SYNE1: variants seen among roughly 807,000 people sequenced by gnomAD.
SYNE1 encodes the protein nesprin-1.
In SYNE1, 616 loss-of-function variants were observed where a neutral mutation model predicts 1,111.0. The ratio of observed to expected loss-of-function variants is 0.55; its 90% CI spans 0.52 to 0.59. SYNE1 has a LOEUF of 0.59. Ranked by LOEUF, SYNE1 falls within the 20% of genes least tolerant of loss-of-function variation. The probability of loss-of-function intolerance (pLI) is 0.00; values close to 1 mark genes in which losing one functional copy is unlikely to be tolerated. For synonymous variants in SYNE1, 3,855 were observed against 3,825.8 expected (o/e 1.01, Z -0.28); for missense variants, 10,006 against 10,417.0 (o/e 0.96, Z 1.72).
At chr6:152,180,945 G>A (rs142780789) in intron 128 of SYNE1, among the ~76,000 whole-genome samples, 6 of 147,846 alleles carry the variant, frequency 4.1e-5, no homozygotes, top group East Asian at 2.0e-4. Context: ...TTTTTTTTTC[G>A]CATGACAGAT....
At chr6:152,152,726 G>A (rs548816967) in intron 133 of SYNE1, among the ~76,000 whole-genome samples, 1 of 152,238 alleles carries the variant, frequency 6.6e-6, no homozygotes, top group African/African-American at 2.4e-5. Flanking sequence ...TTTAAGAAAA[G>A]TAATTTAGTA....
chr6:152,471,321 A>T (rs2098804404), intron 16 of SYNE1, among the ~76,000 whole-genome samples: 1 of 152,200 alleles, frequency 6.6e-6, no homozygotes, highest in Non-Finnish European at 1.5e-5. Context: ...AACTTTTTTT[A>T]AAAATCAATA....
intron 135 of SYNE1, among the ~76,000 whole-genome samples, chr6:152,151,149 G>C (rs2092753): frequency 0.043 from 6,493 of 151,790 alleles, 168 homozygotes; most frequent in Middle Eastern, 0.086. Context: ...TTGAACCAGG[G>C]AAGTGGAGGT....
At chr6:152,376,951 A>G (rs767055779) in intron 56 of SYNE1, 39 bp from the exon 57 acceptor site, 11 of 1,610,692 alleles carry the variant, frequency 6.8e-6, no homozygotes, top group Admixed American at 5.0e-5. Context: ...GAGCACTTAC[A>G]TTGGGTGATC....
chr6:152,308,303 C>A (rs762870907), intron 91 of SYNE1, among the ~76,000 whole-genome samples, 186 bp downstream of exon 91: 1 of 152,110 alleles, frequency 6.6e-6, no homozygotes, highest in Admixed American at 6.5e-5. Flanking sequence ...TCAAGGGGAA[C>A]GCACGTGTTA....
rs774537665 is a variant in SYNE1, at chr6:152,628,353, C to T, written c.-22G>A. ...CCATGGTCCCTCCGGAAGCACGAAG[C>T]CAACACCAAGAGACTCTTCACTGGA... On this transcript the variant is annotated 5_prime_UTR_variant, in exon 3 of 146. Transcript: ENST00000367255. 2.0e-5 allele frequency: 33 copies of T among 1,613,800 alleles called. No homozygotes were observed. Among genetic ancestry groups the T allele is most frequent in the Non-Finnish European group, 2.7e-5 (32 of 1,179,726 alleles).
chr6:152,155,877 C>A, intron 132 of SYNE1, 33 bp downstream of exon 132: 1 of 1,612,492 alleles, frequency 6.2e-7, no homozygotes, highest in Non-Finnish European at 8.5e-7. Flanking sequence ...TTGGTCTTTC[C>A]TCTTCCCTAT....
chr6:152,313,215 T>C (rs867875408), intron 87 of SYNE1, among the ~76,000 whole-genome samples: 1 of 152,222 alleles, frequency 6.6e-6, no homozygotes, highest in African/African-American at 2.4e-5. Flanking sequence ...AATGCTTTTG[T>C]TCTTAAGATA....
intron 53 of SYNE1, among the ~76,000 whole-genome samples, chr6:152,388,737 A>AT (rs2154129755): frequency 6.6e-6 from 1 of 152,388 alleles, no homozygotes; most frequent in Admixed American, 6.5e-5. Flanking sequence ...TTTTAATGCA[A>AT]TAATTTGAAC....
chr6:152,612,155 A>G (rs1347548750), intron 3 of SYNE1, among the ~76,000 whole-genome samples: 2 of 151,782 alleles, frequency 1.3e-5, no homozygotes, highest in East Asian at 3.9e-4. Context: ...TCAGAGCAGA[A>G]CTGGAAGAGA....
intron 115 of SYNE1, 43 bp downstream of exon 115, chr6:152,230,504 T>C: frequency 6.3e-7 from 1 of 1,597,692 alleles, no homozygotes; most frequent in East Asian, 2.2e-5. Flanking sequence ...GCATACGCTA[T>C]GAAATTGTGA....
intron 3 of SYNE1, among the ~76,000 whole-genome samples, chr6:152,577,780 GTTT>G (rs3076666): frequency 6.8e-6 from 1 of 147,052 alleles, no homozygotes; most frequent in Admixed American, 6.8e-5. Context: ...TTTCTGTTTT[GTTT>G]TTTTTTTTAA....
At chr6:152,376,582 A>G in intron 57 of SYNE1, 24 bp from the exon 58 acceptor site, 1 of 1,612,562 alleles carries the variant, frequency 6.2e-7, no homozygotes, top group Non-Finnish European at 8.5e-7. Context: ...GCAAAAATTT[A>G]ATGGCAGGAA....
At chr6:152,181,485 T>G (rs923318853) in intron 128 of SYNE1, among the ~76,000 whole-genome samples, 1 of 152,110 alleles carries the variant, frequency 6.6e-6, no homozygotes, top group East Asian at 1.9e-4. Flanking sequence ...TCCTCCTCAC[T>G]TACCTCCCAG....
rs1329493572 is a variant in SYNE1, at chr6:152,233,514, G to A, written c.20712+267C>T. ...TAATTTTTTGTATTTTAGTAGAGAC[G>A]GGGTTTCACCGTGTTGCCCAGGCTG... is the stretch of plus-strand genomic sequence containing the variant. On this transcript the variant is annotated intron_variant, in intron 112 of 145. Coordinates refer to ENST00000367255, the MANE Select transcript of SYNE1 (RefSeq NM_182961.4). Among the ~76,000 whole-genome samples, 5 of 152,076 alleles carry A rather than the reference G, an allele frequency of 3.3e-5. 1 individual carries two copies. Among genetic ancestry groups the A allele is most frequent in the South Asian group, 4.2e-4 (2 of 4,808 alleles).
Position 152,444,479 on chromosome 6 carries a change from C to G in SYNE1, c.3769G>C (p.Glu1257Gln). The change falls in exon 30 of 146, where the codon GAA (glutamate) becomes CAA (glutamine). Residue 1257 changes from glutamate (E) to glutamine (Q), a missense_variant. This residue lies in a region of SYNE1 where 1,971 missense variants were observed against 2,084.1 expected (regional missense o/e 0.95). Coordinates refer to ENST00000367255, the MANE Select transcript of SYNE1 (RefSeq NM_182961.4). ...ELISGSKEVQ[E>Q]QAEKILDTEN... ...GTATCCAAGATCTTCTCAGCTTGTT[C>G]CTGGACTTCTTTAGAGCCAGAAATT... The G allele has an allele frequency of 6.2e-7, 1 of 1,613,914 alleles. No homozygotes were observed. The highest frequency in any genetic ancestry group is 8.5e-7 in the Non-Finnish European group (1 of 1,179,950).
intron 10 of SYNE1, among the ~76,000 whole-genome samples, chr6:152,501,156 G>A (rs75051863): frequency 0.026 from 3,997 of 152,034 alleles, 175 homozygotes; most frequent in African/African-American, 0.09. Flanking sequence ...AAGGAGAAAG[G>A]AAGAGGAGGA....
At chr6:152,436,627 A>C (rs1183558118) in intron 32 of SYNE1, among the ~76,000 whole-genome samples, 1 of 152,056 alleles carries the variant, frequency 6.6e-6, no homozygotes, top group Non-Finnish European at 1.5e-5. Flanking sequence ...ATACACAACC[A>C]GCTATTTGCC....
chr6:152,281,216 T>G (rs1319474654), intron 97 of SYNE1, among the ~76,000 whole-genome samples: 1 of 152,192 alleles, frequency 6.6e-6, no homozygotes, highest in Non-Finnish European at 1.5e-5. Flanking sequence ...TTATATGCAT[T>G]TTTGAAAAAT....
Sources: allele counts gnomAD v4.1 joint callset (sites outside exome capture counted in the v4.1 genomes callset), GRCh38; gene constraint gnomAD v4.1.1; regional missense constraint gnomAD v4.1.1; transcripts MANE v1.5; gene names NCBI Gene and HGNC (gene_info 2026-07-23, HGNC 2026-07-21).